The following NBEA variants were observed in gnomAD, a reference collection of about 807,000 sequenced individuals.
NBEA encodes lysosomal-trafficking regulator 2.
In NBEA, 44 loss-of-function variants were observed where a neutral mutation model predicts 343.4. The observed-to-expected ratio is 0.13, with a 90% CI of 0.10 to 0.16. The LOEUF is 0.16. NBEA is among the 10% of genes least tolerant of loss of function. NBEA has a pLI of 1.00. For synonymous variants in NBEA, 1,175 were observed against 1,238.7 expected (o/e 0.95, Z 1.08); for missense variants, 2,555 against 3,631.3 (o/e 0.70, Z 7.62).
intron 38 of NBEA, among the ~76,000 whole-genome samples, chr13:35,400,196 TAAAAAAA>T (rs71081251): frequency 1.2e-4 from 9 of 78,238 alleles, no homozygotes; most frequent in African/African-American, 3.4e-4. Flanking sequence ...CTTCAATTTG[TAAAAAAA>T]AAAAAAAAAA....
At chr13:35,424,588 A>G (rs1676065171) in intron 38 of NBEA, among the ~76,000 whole-genome samples, 1 of 152,274 alleles carries the variant, frequency 6.6e-6, no homozygotes, top group South Asian at 2.1e-4. Flanking sequence ...AATGTTCATC[A>G]AGGATATTGG....
chr13:35,006,898 A>G (rs1054748078), intron 1 of NBEA, among the ~76,000 whole-genome samples: 7 of 152,154 alleles, frequency 4.6e-5, no homozygotes, highest in African/African-American at 1.7e-4. Flanking sequence ...GATTACAGGC[A>G]TGCACCACCA....
chr13:35,446,105 T>C (rs140764032), intron 39 of NBEA, among the ~76,000 whole-genome samples: 19,559 of 151,686 alleles, frequency 0.13, 1,623 homozygotes, highest in South Asian at 0.26. Flanking sequence ...CTGAGAATGA[T>C]GGTTTCCGGC....
intron 1 of NBEA, among the ~76,000 whole-genome samples, chr13:35,010,150 A>G (rs543092627): frequency 6.6e-6 from 1 of 152,302 alleles, no homozygotes; most frequent in East Asian, 1.9e-4. Flanking sequence ...TACATTTGTG[A>G]GTTATTAGTA....
chr13:35,575,033 C>T (rs974709161), intron 45 of NBEA, among the ~76,000 whole-genome samples: 23 of 152,122 alleles, frequency 1.5e-4, no homozygotes, highest in South Asian at 2.1e-4. Flanking sequence ...AGCCACCATG[C>T]GGCCAAGTGC....
intron 46 of NBEA, among the ~76,000 whole-genome samples, chr13:35,591,596 C>T (rs1016650270): frequency 1.3e-5 from 2 of 151,982 alleles, no homozygotes; most frequent in African/African-American, 2.4e-5. Context: ...TCACCCTTTT[C>T]TCTCATCCAA....
intron 31 of NBEA, 140 bp downstream of exon 31, chr13:35,196,442 A>T (rs2072606545): frequency 5.0e-6 from 4 of 805,056 alleles, no homozygotes; most frequent in Admixed American, 3.0e-5. Context: ...TGATGGCTCA[A>T]CCTAATCTTA....
intron 36 of NBEA, among the ~76,000 whole-genome samples, chr13:35,318,772 A>G (rs567053584): frequency 5.2e-4 from 79 of 152,210 alleles, no homozygotes; most frequent in African/African-American, 1.9e-3. Context: ...TACGGCTTCA[A>G]TTTCAGAACT....
At chr13:35,669,877 G>A (rs1230729037) in intron 58 of NBEA, among the ~76,000 whole-genome samples, 2 of 151,902 alleles carry the variant, frequency 1.3e-5, no homozygotes, top group African/African-American at 2.4e-5. Context: ...CTTGAGGGCT[G>A]GGAAGGGCAG....
In NBEA at chr13:35,362,836, A is replaced by T. The variant is rs544336385; in HGVS notation, c.6179+10513A>T. On this transcript the variant is annotated intron_variant, in intron 38 of 58. Coordinates refer to ENST00000379939, the MANE Select transcript of NBEA (RefSeq NM_001385012.1). ...TGTTTCAATAATTTAAAGTCAAAAT[A>T]ATAATTTAAATAAATTAGAATGAGG... Among the ~76,000 whole-genome samples the T allele has an allele frequency of 1.5e-4, 23 of 152,166 alleles. No homozygotes were observed. In the East Asian group the frequency reaches 3.7e-3, roughly 24 times the overall value.
chr13:35,054,335 A>T (rs2063168817), intron 6 of NBEA, among the ~76,000 whole-genome samples: 1 of 151,936 alleles, frequency 6.6e-6, no homozygotes, highest in Non-Finnish European at 1.5e-5. Flanking sequence ...TTTATTTGAC[A>T]CTCTTTTTAC....
At chr13:35,075,108 A>G (rs1056829099) in intron 10 of NBEA, among the ~76,000 whole-genome samples, 1 of 152,166 alleles carries the variant, frequency 6.6e-6, no homozygotes, top group Admixed American at 6.6e-5. Flanking sequence ...TCACAGAGAC[A>G]TAAGTGGCAG....
intron 38 of NBEA, among the ~76,000 whole-genome samples, chr13:35,353,173 C>T (rs1030593852): frequency 3.9e-5 from 6 of 152,148 alleles, no homozygotes; most frequent in South Asian, 4.1e-4. Flanking sequence ...CGATGGCTCA[C>T]GCCTGTAATC....
At chr13:35,563,374 A>G (rs1444796108) in intron 44 of NBEA, among the ~76,000 whole-genome samples, 1 of 152,010 alleles carries the variant, frequency 6.6e-6, no homozygotes, top group Admixed American at 6.6e-5. Flanking sequence ...GGATGATTTA[A>G]TGAACAGTAT....
intron 41 of NBEA, among the ~76,000 whole-genome samples, chr13:35,534,880 A>G (rs777212583): frequency 1.3e-5 from 2 of 152,210 alleles, no homozygotes; most frequent in Non-Finnish European, 2.9e-5. Flanking sequence ...AGGATCAGAG[A>G]ACTTGCTCAT....
Position 35,041,179 on chromosome 13 carries a change from G to T in NBEA, c.526+15G>T. On this transcript the variant is annotated intron_variant, in intron 2 of 58. Coordinates refer to ENST00000379939, the MANE Select transcript of NBEA (RefSeq NM_001385012.1). ...CATGATAGCAGGTATGGGGTTGTCT[G>T]ACAGGAAAGTATAACTTAAATGTTT... 1.3e-6 allele frequency: 2 copies of T among 1,587,796 alleles called. No homozygotes were observed. Among genetic ancestry groups the T allele is most frequent in the Non-Finnish European group, 1.7e-6 (2 of 1,159,148 alleles).
intron 43 of NBEA, among the ~76,000 whole-genome samples, chr13:35,552,942 G>T (rs911428716): frequency 2.6e-5 from 4 of 151,918 alleles, no homozygotes; most frequent in Non-Finnish European, 5.9e-5. Flanking sequence ...CCAGGCTGGA[G>T]TGCAGTGGCG....
At chr13:35,162,099 T>A in intron 23 of NBEA, 132 bp downstream of exon 23, 1 of 692,902 alleles carries the variant, frequency 1.4e-6, no homozygotes, top group Non-Finnish European at 2.4e-6. Flanking sequence ...GTATCTTGTT[T>A]AAATTAATAC....
chr13:35,101,026 T>C (rs1167130975), intron 11 of NBEA, among the ~76,000 whole-genome samples: 1 of 152,020 alleles, frequency 6.6e-6, no homozygotes, highest in East Asian at 1.9e-4. Flanking sequence ...TTATAGCATA[T>C]TTTAGAACTC....
Sources: gnomAD v4.1 joint callset for allele counts (sites outside exome capture counted in the v4.1 genomes callset) on GRCh38, gnomAD v4.1.1 for gene constraint, MANE v1.5 for transcripts, NCBI Gene and HGNC (gene_info 2026-07-23, HGNC 2026-07-21) for gene names.